The following PEBP4 variants were observed in gnomAD, a reference collection of about 807,000 sequenced individuals.
PEBP4 encodes phosphatidylethanolamine binding protein 4, also known as phosphatidylethanolamine-binding protein 4.
A neutral mutation model predicts 23.9 loss-of-function variants in PEBP4; 22 were observed. That is an observed-to-expected ratio of 0.92 (90% CI 0.66 to 1.31). The LOEUF (loss-of-function observed/expected upper bound fraction) is 1.31, where lower values mean the gene tolerates loss of function less well. Ranked by LOEUF, PEBP4 falls within the 40% of genes most tolerant of loss-of-function variation. The pLI is 0.00. For synonymous variants in PEBP4, 112 were observed against 99.3 expected, an observed-to-expected ratio of 1.13 and a Z score of -0.76; for missense variants, 324 against 281.7, an observed-to-expected ratio of 1.15 and a Z score of -1.07.
chr8:22,741,356 G>T (rs867883977), intron 4 of PEBP4, among the ~76,000 whole-genome samples: 1 of 152,222 alleles, frequency 6.6e-6, no homozygotes, highest in Admixed American at 6.5e-5. Flanking sequence ...GCCCACCAGG[G>T]CCTGCTGGGG....
rs1805760707 is a variant in PEBP4 at position 22,773,702 on chromosome 8, G to T, written c.357+43935C>A. 2.0e-5 allele frequency among the ~76,000 whole-genome samples: 3 copies of T among 152,148 alleles called. No homozygotes were observed. In the South Asian group the frequency reaches 6.2e-4, roughly 31 times the overall value. On this transcript the variant is annotated intron_variant, in intron 4 of 6. Transcript: ENST00000256404. ...GGGATGTTCCCAATGTTGGCATCAG[G>T]CTTGTCACTAGGGAGCGGGTGGGGG... is the stretch of plus-strand genomic sequence containing the variant.
intron 3 of PEBP4, among the ~76,000 whole-genome samples, chr8:22,837,244 C>G (rs1002502831): frequency 6.6e-6 from 1 of 152,202 alleles, no homozygotes; most frequent in Non-Finnish European, 1.5e-5. Flanking sequence ...ACCTCTAAAC[C>G]TCTCTTCCTA....
chr8:22,738,578 C>T (rs1283856789), intron 4 of PEBP4, among the ~76,000 whole-genome samples: 3 of 152,026 alleles, frequency 2.0e-5, no homozygotes, highest in Non-Finnish European at 2.9e-5. Flanking sequence ...GCCAAGGGGG[C>T]CTAGGGGCAA....
At position 22,840,728 on chromosome 8, in the gene PEBP4, G is replaced by A. The variant is rs149381829; in HGVS notation, c.259-22993C>T. Among the ~76,000 whole-genome samples, 217 of 152,260 alleles carry A rather than the reference G, an allele frequency of 1.4e-3. 4 individuals are homozygous for A. In the East Asian group the frequency reaches 0.035, roughly 25 times the overall value. ...GTCTGTGTTAAAGGCTAGTTACATCGCACTGGCTTTTGGTGTGTTTGCTCC... is the reference window on the plus strand; with the variant it reads ...GTCTGTGTTAAAGGCTAGTTACATCACACTGGCTTTTGGTGTGTTTGCTCC... On this transcript the variant is annotated intron_variant, in intron 3 of 6. Coordinates refer to ENST00000256404, the MANE Select transcript of PEBP4 (RefSeq NM_144962.3).
At chr8:22,794,241 T>G (rs895784540) in intron 4 of PEBP4, among the ~76,000 whole-genome samples, 1 of 152,240 alleles carries the variant, frequency 6.6e-6, no homozygotes, top group African/African-American at 2.4e-5. Context: ...CCTATGCACT[T>G]TATAGACTGC....
At chr8:22,878,215 A>AGGGAGG (rs1808166828) in intron 3 of PEBP4, 1 of 108,040 alleles carries the variant, frequency 9.3e-6, no homozygotes, top group African/African-American at 3.3e-5. Flanking sequence ...GAGCATGGAG[A>AGGGAGG]GGGAGGGGGA....
At chr8:22,842,914 G>C (rs535867624) in intron 3 of PEBP4, among the ~76,000 whole-genome samples, 2 of 152,164 alleles carry the variant, frequency 1.3e-5, no homozygotes, top group Non-Finnish European at 2.9e-5. Context: ...TGCAACCTCT[G>C]CCTCCCAGGT....
In PEBP4 at chr8:22,831,978, G is replaced by C. The variant is rs1036699003; in HGVS notation, c.259-14243C>G. Among the ~76,000 whole-genome samples the C allele has an allele frequency of 3.3e-5, 5 of 152,260 alleles. No individual in the cohort carries two copies. The South Asian group carries it at 8.3e-4, about 25-fold the overall frequency. On this transcript the variant is annotated intron_variant, in intron 3 of 6. Coordinates refer to ENST00000256404, the MANE Select transcript of PEBP4 (RefSeq NM_144962.3). The stretch of plus-strand genomic sequence containing the variant: ...AAGGGCGGGGGCAGGGGCAGGGGAG[G>C]AGTAGGGCTGACATGATCAGGGCTG...
chr8:22,718,781 G>A (rs1471496038), intron 6 of PEBP4, among the ~76,000 whole-genome samples: 4 of 152,142 alleles, frequency 2.6e-5, no homozygotes, highest in Admixed American at 6.5e-5. Context: ...GTGCGCTGGT[G>A]GGGGGCAGTC....
At chr8:22,887,089 AGTGTGTGTGTGTGTGT>A (rs60863527) in intron 3 of PEBP4, 1 of 147,352 alleles carries the variant, frequency 6.8e-6, no homozygotes, top group Non-Finnish European at 1.5e-5. Flanking sequence ...GGACACTCCT[AGTGTGTGTGTGTGTGT>A]GTGTGTGTGT....
At chr8:22,834,781 G>A (rs528590230) in intron 3 of PEBP4, among the ~76,000 whole-genome samples, 2 of 152,304 alleles carry the variant, frequency 1.3e-5, no homozygotes, top group East Asian at 3.9e-4. Context: ...ATGTGAATGG[G>A]ATGTTGGTGT....
rs563424263 is a variant in PEBP4 at position 22,803,871 on chromosome 8, G to A, written c.357+13766C>T. Among the ~76,000 whole-genome samples, 23 of 152,180 alleles carry A rather than the reference G, an allele frequency of 1.5e-4. No homozygotes were observed. The East Asian group carries it at 3.7e-3, about 24-fold the overall frequency. On this transcript the variant is annotated intron_variant, in intron 4 of 6. Transcript: ENST00000256404. ...CCCTCCACGTCTAATTCATTGGCAC[G>A]TCCTGTTGGCTCTCAACCTCACAAC...
Position 22,775,784 on chromosome 8 carries a change from T to C in PEBP4, c.357+41853A>G, listed in dbSNP as rs191714815. Among the ~76,000 whole-genome samples the C allele has an allele frequency of 2.6e-5, 4 of 151,226 alleles. No homozygotes were observed. Among genetic ancestry groups the C allele is most frequent in the East Asian group, 2.0e-4 (1 of 5,106 alleles). ...ACAGACAGAGGAAGCGAGAGAGAGG[T>C]TGGGGAGGCGGGTTCTCCAGGCTGG... is the stretch of plus-strand genomic sequence containing the variant. On this transcript the variant is annotated intron_variant, in intron 4 of 6. Transcript: ENST00000256404. This position sits in a 1 kb window ranked among gnomAD's most constrained non-coding sequence, Gnocchi z 4.8.
intron 4 of PEBP4, among the ~76,000 whole-genome samples, chr8:22,803,529 T>TG (rs1369706371): frequency 1.3e-5 from 2 of 152,064 alleles, no homozygotes; most frequent in African/African-American, 4.8e-5. Flanking sequence ...CCAAGTGTGG[T>TG]GCTGCGGGCT....
chr8:22,927,024 G>A (rs1809351737), intron 2 of PEBP4, among the ~76,000 whole-genome samples: 1 of 152,142 alleles, frequency 6.6e-6, no homozygotes. Context: ...AGGCTTTCCA[G>A]CTTACCCAAA....
rs780573584 is a variant in PEBP4 at position 22,762,235 on chromosome 8, AC to A, written c.358-35016del. 5.3e-5 allele frequency among the ~76,000 whole-genome samples: 8 copies of A among 152,222 alleles called. No individual in the cohort carries two copies. The South Asian group carries it at 1.2e-3, about 24-fold the overall frequency. On this transcript the variant is annotated intron_variant, in intron 4 of 6. Coordinates refer to ENST00000256404, the MANE Select transcript of PEBP4 (RefSeq NM_144962.3). ...GTGATGTCCTGAATACACAATTTCT[AC>A]CTCCCACCCCAGTGAATTTCCTTTG...
intron 4 of PEBP4, among the ~76,000 whole-genome samples, chr8:22,744,953 G>A (rs969528449): frequency 7.9e-5 from 12 of 152,196 alleles, no homozygotes; most frequent in Admixed American, 6.5e-4. Context: ...AGTTCCAATC[G>A]GCAGCAGATC....
rs778277762 is a variant in PEBP4, at chr8:22,817,682, T to C, written c.312A>G (p.Glu104=). The change falls in exon 4 of 7, where the codon GAA becomes GAG. Residue 104 remains glutamate, a synonymous_variant. Transcript: ENST00000256404. Reference sequence around the variant, plus strand: ...AATGTCTCCAGAATCTCTGTCTGGGTTCTGCTCTGCTAGGGGCATCTGGAT... The same window carrying C: ...AATGTCTCCAGAATCTCTGTCTGGGCTCTGCTCTGCTAGGGGCATCTGGAT... ...MVDPDAPSRA[E]PRQRFWRHWL... The C allele has an allele frequency of 1.2e-6, 2 of 1,614,102 alleles. No homozygotes were observed. The highest frequency in any genetic ancestry group is 4.5e-5 in the East Asian group (2 of 44,896).
intron 1 of PEBP4, among the ~76,000 whole-genome samples, chr8:22,937,020 C>T (rs1030152242): frequency 2.0e-5 from 3 of 152,126 alleles, no homozygotes; most frequent in Admixed American, 2.0e-4. Flanking sequence ...TTCAAGTTTT[C>T]CTCTAAGATC....
Sources: allele counts gnomAD v4.1 joint callset (sites outside exome capture counted in the v4.1 genomes callset), GRCh38; gene constraint gnomAD v4.1.1; non-coding constraint Gnocchi (gnomAD v3.1); transcripts MANE v1.5; gene names NCBI Gene and HGNC (gene_info 2026-07-23, HGNC 2026-07-21).